CDK13: variants seen among roughly 807,000 people sequenced by gnomAD.
CDK13 encodes cyclin dependent kinase 13.
CDK13 carries 40 observed loss-of-function variants against 137.6 expected under a neutral mutation model. That is an observed-to-expected ratio of 0.29 (90% CI 0.23 to 0.38). CDK13 has a LOEUF of 0.38. Ranked by LOEUF, CDK13 falls within the 10% of genes least tolerant of loss-of-function variation. CDK13 has a pLI of 1.00. For synonymous variants in CDK13, 869 were observed against 760.1 expected, an observed-to-expected ratio of 1.14 and a Z score of -2.36; for missense variants, 1,704 against 1,951.8, an observed-to-expected ratio of 0.87 and a Z score of 2.39.
At position 39,997,875 on chromosome 7, in the gene CDK13, G is replaced by A. The variant is rs754979199; in HGVS notation, c.2042+211G>A. ...ATAAAACCAAATTTAATTTTCTCTC[G>A]TAATTTGTAATGTATTAATTTCCTG... On this transcript the variant is annotated intron_variant, in intron 3 of 13. Transcript: ENST00000181839. 117 of 458,642 alleles carry A rather than the reference G, an allele frequency of 2.6e-4. 1 individual carries two copies. The highest frequency in any genetic ancestry group is 2.4e-3 in the Middle Eastern group (4 of 1,664). 28.4% of individuals were successfully genotyped at this position (458,642 alleles called of 1,614,324 possible). A position where few individuals can be genotyped will look rare whatever the true frequency, so the allele number is the denominator to read the frequency against.
rs1166011031 is a variant in CDK13 at position 40,098,526 on chromosome 7, T to A, written c.*3546T>A. ...TCCCTGGGATATAATATCCTTTCAA[T>A]TTTTTTTTTTTTTTTGGCCCAGTCT... On this transcript the variant is annotated 3_prime_UTR_variant, in exon 14 of 14. Transcript: ENST00000181839. 1 of 114,972 alleles carries A rather than the reference T, an allele frequency of 8.7e-6. No homozygotes were observed. Among genetic ancestry groups the A allele is most frequent in the Non-Finnish European group, 1.6e-5 (1 of 63,094 alleles). 7.1% of individuals were successfully genotyped at this position (114,972 alleles called of 1,614,324 possible). A position where few individuals can be genotyped will look rare whatever the true frequency, so the allele number is the denominator to read the frequency against.
At chr7:40,073,195 T>G (rs1786460784) in intron 9 of CDK13, 1 of 152,142 alleles carries the variant, frequency 6.6e-6, no homozygotes, top group East Asian at 1.9e-4. Flanking sequence ...TGCCACATAA[T>G]GTAACATACC....
chr7:39,965,891 G>A (rs1783860373), intron 1 of CDK13, among the ~76,000 whole-genome samples: 2 of 152,098 alleles, frequency 1.3e-5, no homozygotes, highest in African/African-American at 4.8e-5. Flanking sequence ...TAGTTTGGCT[G>A]GATATGAAAT....
At chr7:39,996,104 TATG>T (rs1784554906) in intron 2 of CDK13, among the ~76,000 whole-genome samples, 1 of 152,244 alleles carries the variant, frequency 6.6e-6, no homozygotes, top group South Asian at 2.1e-4. Flanking sequence ...ATAAATTTAC[TATG>T]ATAATTAAGT....
chr7:39,985,136 C>G (rs1233290197), intron 1 of CDK13: 2 of 150,602 alleles, frequency 1.3e-5, no homozygotes, highest in Non-Finnish European at 3.0e-5. Flanking sequence ...CCCCTCCAGC[C>G]TCTGGTAACC....
chr7:40,034,064 A>G (rs925286345), intron 5 of CDK13, among the ~76,000 whole-genome samples: 3 of 152,028 alleles, frequency 2.0e-5, no homozygotes, highest in Non-Finnish European at 4.4e-5. Flanking sequence ...ATAACTACAT[A>G]TTTTTTTCTG....
chr7:40,027,002 C>G (rs1248696531), intron 5 of CDK13, among the ~76,000 whole-genome samples: 1 of 146,092 alleles, frequency 6.8e-6, no homozygotes, highest in East Asian at 1.9e-4. Flanking sequence ...TTTAAATGTT[C>G]TAAAAACCCC....
intron 5 of CDK13, among the ~76,000 whole-genome samples, chr7:40,037,585 G>A (rs533109982): frequency 5.3e-5 from 8 of 152,328 alleles, no homozygotes; most frequent in East Asian, 3.9e-4. Context: ...CACACAGACC[G>A]TCCTTGAATC....
At chr7:39,963,034 G>A (rs1232439421) in intron 1 of CDK13, among the ~76,000 whole-genome samples, 1 of 152,182 alleles carries the variant, frequency 6.6e-6, no homozygotes, top group African/African-American at 2.4e-5. Flanking sequence ...TAGCCTTGTA[G>A]TATAGTTTGA....
intron 11 of CDK13, among the ~76,000 whole-genome samples, chr7:40,086,066 T>A (rs1301251503): frequency 1.3e-5 from 2 of 152,234 alleles, no homozygotes; most frequent in African/African-American, 2.4e-5. Flanking sequence ...GGTTATATTT[T>A]AAAAATTTTA....
At chr7:40,031,939 G>A (rs905276674) in intron 5 of CDK13, among the ~76,000 whole-genome samples, 20 of 151,310 alleles carry the variant, frequency 1.3e-4, no homozygotes, top group Non-Finnish European at 2.9e-5. Flanking sequence ...CTCCTGCCTC[G>A]GCCTCCCAAA....
At chr7:40,051,972 A>G (rs1285965278) in intron 7 of CDK13, among the ~76,000 whole-genome samples, 6 of 152,148 alleles carry the variant, frequency 3.9e-5, no homozygotes, top group Non-Finnish European at 1.5e-5. Context: ...CTTTTAGTAT[A>G]TGGTTTTTTA....
chr7:40,036,088 G>T (rs934463821), intron 5 of CDK13, among the ~76,000 whole-genome samples: 1 of 151,440 alleles, frequency 6.6e-6, no homozygotes, highest in East Asian at 2.0e-4. Context: ...GAGCACTTGA[G>T]CCTAGGAAGT....
chr7:40,009,946 T>C (rs1171612260), intron 5 of CDK13, among the ~76,000 whole-genome samples: 1 of 152,142 alleles, frequency 6.6e-6, no homozygotes, highest in Non-Finnish European at 1.5e-5. Context: ...TGTGTGTGTA[T>C]ATTTATGCAT....
chr7:39,950,887 C>T lies in CDK13; in HGVS notation c.246C>T (p.Ser82=), dbSNP rs1366122091. Residue 82 remains serine, a synonymous_variant, in exon 1 of 14, where the codon AGC becomes AGT. Transcript: ENST00000181839. ...AAAAASSSCF[S]PGPPLEVKRL... ...CCGCGGCCTCCTCCTCTTGCTTCAG[C>T]CCGGGCCCCCCTCTGGAGGTCAAGC... The T allele has an allele frequency of 5.9e-6, 8 of 1,352,112 alleles. No homozygotes were observed. Among genetic ancestry groups the T allele is most frequent in the African/African-American group, 3.1e-5 (2 of 65,106 alleles). The allele number at this position is 1,352,112 out of a possible 1,614,324, so 83.8% of individuals were successfully genotyped here.
At chr7:40,067,923 T>C (rs1786317343) in intron 9 of CDK13, 2 of 152,156 alleles carry the variant, frequency 1.3e-5, no homozygotes, top group Admixed American at 1.3e-4. Flanking sequence ...GGCGAAACCC[T>C]ATCTCTACTA....
chr7:40,029,572 T>C (rs941644755), intron 5 of CDK13, among the ~76,000 whole-genome samples: 1 of 146,854 alleles, frequency 6.8e-6, no homozygotes, highest in Non-Finnish European at 1.5e-5. Context: ...ATACAAAAAT[T>C]AGCTGGGCGT....
intron 5 of CDK13, among the ~76,000 whole-genome samples, chr7:40,038,277 A>C (rs1335767739): frequency 6.6e-6 from 1 of 152,144 alleles, no homozygotes; most frequent in African/African-American, 2.4e-5. Context: ...TATATGCTGA[A>C]GTTTACTCCA....
At chr7:40,092,747 A>T in intron 12 of CDK13, 38 bp from the exon 13 acceptor site, 1 of 1,511,338 alleles carries the variant, frequency 6.6e-7, no homozygotes, top group Non-Finnish European at 9.1e-7. Flanking sequence ...AGGAGCTGTG[A>T]ATTATGACAG....
Sources: gnomAD v4.1 joint callset for allele counts (sites outside exome capture counted in the v4.1 genomes callset) on GRCh38, gnomAD v4.1.1 for gene constraint, MANE v1.5 for transcripts, NCBI Gene and HGNC (gene_info 2026-07-23, HGNC 2026-07-21) for gene names.